Variants in CPSF3 observed in about 807,000 individuals in gnomAD.
The protein encoded by CPSF3 is cleavage and polyadenylation specificity factor subunit 3.
In CPSF3, 57 loss-of-function variants were observed where a neutral mutation model predicts 84.1. That is an observed-to-expected ratio of 0.68 (90% confidence interval 0.55 to 0.85). The LOEUF is 0.85. Ranked by LOEUF, CPSF3 falls within the 40% of genes least tolerant of loss-of-function variation. CPSF3 has a pLI of 0.00. For missense variants in CPSF3, 522 were observed against 838.8 expected, an observed-to-expected ratio of 0.62 and a Z score of 4.66; for synonymous variants, 275 against 278.1, an observed-to-expected ratio of 0.99 and a Z score of 0.11.
intron 8 of CPSF3, chr2:9,441,604 G>A: frequency 7.4e-6 from 4 of 538,924 alleles, no homozygotes; most frequent in Non-Finnish European, 1.3e-5. Flanking sequence ...AGATCGGGGT[G>A]AACTTACCGC....
At chr2:9,436,770 C>CAAAAAAAAAAAAAAT (rs1347695504) in intron 7 of CPSF3, among the ~76,000 whole-genome samples, 7 of 82,460 alleles carry the variant, frequency 8.5e-5, no homozygotes, top group East Asian at 2.1e-4. Context: ...GACTCCATCT[C>CAAAAAAAAAAAAAAT]AAAAAATAAT....
intron 1 of CPSF3, 65 bp downstream of exon 1, chr2:9,423,888 A>G: frequency 6.3e-7 from 1 of 1,590,518 alleles, no homozygotes; most frequent in Non-Finnish European, 8.6e-7. Flanking sequence ...GTAACCGGAG[A>G]CTGGCCTCCT....
intron 15 of CPSF3, among the ~76,000 whole-genome samples, chr2:9,466,352 GCACACA>G (rs1197055357): frequency 2.3e-5 from 3 of 129,150 alleles, no homozygotes; most frequent in South Asian, 2.4e-4. Context: ...GCGCGCGCGC[GCACACA>G]CACACGCACA....
intron 16 of CPSF3, among the ~76,000 whole-genome samples, chr2:9,470,840 C>G (rs1250240230): frequency 1.3e-5 from 2 of 152,238 alleles, no homozygotes; most frequent in African/African-American, 4.8e-5. Context: ...CTGAATAGAT[C>G]ATTCTTGAAT....
intron 11 of CPSF3, among the ~76,000 whole-genome samples, chr2:9,451,766 G>T (rs2124842072): frequency 6.7e-6 from 1 of 148,850 alleles, no homozygotes; most frequent in Admixed American, 6.7e-5. Flanking sequence ...CTCCAGGCTG[G>T]AGTGCAGTGG....
rs189411349 is a variant in CPSF3, at chr2:9,429,866, G to A, written c.115-57G>A. ...GAACTAGAATTATTGCCTATTTGCC[G>A]AATGAATTTTAATAAAATGTGCAGG... On this transcript the variant is annotated intron_variant, in intron 2 of 17. Coordinates refer to ENST00000238112, the MANE Select transcript of CPSF3 (RefSeq NM_016207.4). 169 of 1,207,232 alleles carry A rather than the reference G, an allele frequency of 1.4e-4. No individual in the cohort carries two copies. In the African/African-American group the frequency reaches 2.1e-3, roughly 15 times the overall value. 74.8% of individuals were successfully genotyped at this position (1,207,232 alleles called of 1,614,324 possible). A position where few individuals can be genotyped will look rare whatever the true frequency, so the allele number is the denominator to read the frequency against.
chr2:9,457,257 C>T (rs1197705672), intron 14 of CPSF3, among the ~76,000 whole-genome samples: 1 of 144,704 alleles, frequency 6.9e-6, no homozygotes, highest in Non-Finnish European at 1.5e-5. Context: ...ACAAAAAAAC[C>T]TAATAATAAA....
intron 1 of CPSF3, among the ~76,000 whole-genome samples, chr2:9,426,407 G>C (rs1480719686): frequency 6.6e-6 from 1 of 152,202 alleles, no homozygotes; most frequent in African/African-American, 2.4e-5. Flanking sequence ...TACGGGGCAT[G>C]TGGTGGAAAC....
chr2:9,427,996 ATTT>A (rs1309022693), intron 1 of CPSF3, among the ~76,000 whole-genome samples: 2 of 141,514 alleles, frequency 1.4e-5, no homozygotes, highest in Non-Finnish European at 1.5e-5. Context: ...AAAAAAAAAA[ATTT>A]TTTTTTTTTT....
intron 7 of CPSF3, among the ~76,000 whole-genome samples, chr2:9,437,544 C>T (rs186397004): frequency 3.9e-4 from 60 of 152,224 alleles, no homozygotes; most frequent in African/African-American, 1.3e-3. Context: ...TTCTGCTTTT[C>T]TCCATTTTAC....
chr2:9,454,492 C>T (rs1267392705), intron 12 of CPSF3, among the ~76,000 whole-genome samples: 2 of 151,006 alleles, frequency 1.3e-5, no homozygotes, highest in African/African-American at 4.9e-5. Flanking sequence ...CATCATAGGT[C>T]ACTGTCTGAC....
intron 6 of CPSF3, among the ~76,000 whole-genome samples, chr2:9,435,384 C>G (rs1486815443): frequency 2.0e-5 from 3 of 151,204 alleles, no homozygotes; most frequent in Non-Finnish European, 4.4e-5. Flanking sequence ...CAGTTTTGGA[C>G]TATTTCATTT....
At chr2:9,444,681 T>G (rs1454854796) in intron 10 of CPSF3, among the ~76,000 whole-genome samples, 1 of 139,562 alleles carries the variant, frequency 7.2e-6, no homozygotes, top group Non-Finnish European at 1.6e-5. Context: ...TGTTTGTTTG[T>G]TTGGATGAAG....
chr2:9,455,669 C>T lies in CPSF3; in HGVS notation c.1515C>T (p.Asp505=). The T allele has an allele frequency of 6.2e-7, 1 of 1,613,228 alleles. No individual in the cohort carries two copies. The highest frequency in any genetic ancestry group is 8.5e-7 in the Non-Finnish European group (1 of 1,179,240). The change falls in exon 13 of 18, where the codon GAC becomes GAT. Residue 505 remains aspartate, a synonymous_variant. Coordinates refer to ENST00000238112, the MANE Select transcript of CPSF3 (RefSeq NM_016207.4). ...LSPCDLSNYT[D]LAMSTVKQTQ... ...TCATTTTCTCTTCAGATTATACTGACCTGGCCATGAGCACGGTGAAGCAGA... is the reference window on the plus strand; with the variant it reads ...TCATTTTCTCTTCAGATTATACTGATCTGGCCATGAGCACGGTGAAGCAGA...
At chr2:9,456,321 G>A (rs1219243613) in intron 13 of CPSF3, among the ~76,000 whole-genome samples, 1 of 152,202 alleles carries the variant, frequency 6.6e-6, no homozygotes, top group Admixed American at 6.5e-5. Flanking sequence ...CTTTCTGATA[G>A]AGCAAGAATA....
intron 16 of CPSF3, chr2:9,468,104 T>TC (rs1057340253): frequency 2.1e-5 from 5 of 234,248 alleles, no homozygotes; most frequent in African/African-American, 1.1e-4. Context: ...TACTGTATCT[T>TC]CAAGAATTAT....
intron 2 of CPSF3, among the ~76,000 whole-genome samples, 195 bp from the exon 3 acceptor site, chr2:9,429,728 A>G (rs1216967315): frequency 6.6e-6 from 1 of 152,218 alleles, no homozygotes; most frequent in Non-Finnish European, 1.5e-5. Flanking sequence ...AATGTGAGCT[A>G]TATTTTAAAT....
intron 16 of CPSF3, among the ~76,000 whole-genome samples, chr2:9,469,686 C>G (rs1682096502): frequency 6.6e-6 from 1 of 151,998 alleles, no homozygotes; most frequent in Admixed American, 6.5e-5. Flanking sequence ...AACTATTCAA[C>G]TCTGAGGAAC....
At chr2:9,424,225 C>T in intron 1 of CPSF3, 1 of 1,001,882 alleles carries the variant, frequency 1.0e-6, no homozygotes, top group Non-Finnish European at 1.2e-6. Flanking sequence ...AATGAGGCTA[C>T]AGCCGTGCAG....
Sources: gnomAD v4.1 joint callset for allele counts (sites outside exome capture counted in the v4.1 genomes callset) on GRCh38, gnomAD v4.1.1 for gene constraint, MANE v1.5 for transcripts, NCBI Gene and HGNC (gene_info 2026-07-23, HGNC 2026-07-21) for gene names.